Variants in CCDC171 observed in about 807,000 individuals in gnomAD.
CCDC171 encodes coiled-coil domain containing 171, also known as coiled-coil domain-containing protein 171.
Under a neutral mutation model 168.2 loss-of-function variants are expected in CCDC171, and 177 were observed. That is an observed-to-expected ratio of 1.05 (90% CI 0.93 to 1.19). CCDC171 has a LOEUF of 1.19. Among genes scored for constraint, CCDC171 ranks in the 50% most tolerant of loss-of-function variants. The pLI is 0.00. For missense variants in CCDC171, 1,991 were observed against 1,539.0 expected (o/e 1.29, Z -4.91); for synonymous variants, 687 against 540.8 (o/e 1.27, Z -3.75).
At chr9:15,775,072 A>G (rs1320354538) in intron 18 of CCDC171, among the ~76,000 whole-genome samples, 3 of 150,482 alleles carry the variant, frequency 2.0e-5, no homozygotes, top group African/African-American at 2.5e-5. Context: ...TCATGTAACC[A>G]AACACCACCT....
chr9:15,555,084 G>C (rs1422513696), intron 1 of CCDC171, among the ~76,000 whole-genome samples: 1 of 152,134 alleles, frequency 6.6e-6, no homozygotes, highest in Non-Finnish European at 1.5e-5. Context: ...TACCAGTAGT[G>C]GCTCCGAAAT....
At chr9:15,712,036 G>C (rs553373893) in intron 11 of CCDC171, among the ~76,000 whole-genome samples, 2 of 152,316 alleles carry the variant, frequency 1.3e-5, no homozygotes, top group East Asian at 3.9e-4. Context: ...GAGAGCTGAT[G>C]ATGTAAGCTC....
the CCDC171 span, among the ~76,000 whole-genome samples, chr9:16,080,604 C>T: frequency 1.3e-5 from 2 of 152,208 alleles, no homozygotes; most frequent in South Asian, 2.1e-4. Context: ...TTCCAATCTA[C>T]TCATCTTTCG....
At chr9:15,683,619 TTG>T (rs1399081052) in intron 10 of CCDC171, among the ~76,000 whole-genome samples, 1 of 152,124 alleles carries the variant, frequency 6.6e-6, no homozygotes, top group African/African-American at 2.4e-5. Context: ...GTAAGTGTCT[TTG>T]TGTATTTAAA....
chr9:15,963,808 T>G (rs1400474613), intron 25 of CCDC171, among the ~76,000 whole-genome samples: 2 of 152,194 alleles, frequency 1.3e-5, no homozygotes, highest in African/African-American at 4.8e-5. Flanking sequence ...TAATAGAGCC[T>G]CTGAATGTTA....
At chr9:15,847,233 T>TTATATACAGAACAAAATATATACTAA (rs1444268859) in intron 22 of CCDC171, among the ~76,000 whole-genome samples, 16 of 152,090 alleles carry the variant, frequency 1.1e-4, no homozygotes, top group Non-Finnish European at 1.8e-4. Flanking sequence ...GCATATATTA[T>TTATATACAGAACAAAATATATACTAA]TATATACTAA....
intron 23 of CCDC171, chr9:15,850,356 T>C (rs185028077): frequency 2.0e-5 from 3 of 152,002 alleles, no homozygotes; most frequent in Admixed American, 6.6e-5. Context: ...TGGCAAAATA[T>C]ATCGTTTAAA....
chr9:15,949,166 T>G (rs1330966035), intron 25 of CCDC171, among the ~76,000 whole-genome samples: 3 of 152,142 alleles, frequency 2.0e-5, no homozygotes, highest in Admixed American at 2.0e-4. Context: ...GGCTCTGTTC[T>G]GTTCCATTGA....
At chr9:15,677,974 A>T (rs1234088729) in intron 9 of CCDC171, among the ~76,000 whole-genome samples, 1 of 133,038 alleles carries the variant, frequency 7.5e-6, no homozygotes, top group African/African-American at 2.8e-5. Context: ...CAGTGGCACA[A>T]TCATAGCTCA....
the CCDC171 span, among the ~76,000 whole-genome samples, chr9:16,080,289 T>C: frequency 6.6e-6 from 1 of 152,220 alleles, no homozygotes; most frequent in African/African-American, 2.4e-5. Context: ...TGATCGCTAA[T>C]CATTTTATTG....
chr9:15,697,290 C>T (rs2051289004), intron 11 of CCDC171, among the ~76,000 whole-genome samples: 1 of 152,172 alleles, frequency 6.6e-6, no homozygotes, highest in African/African-American at 2.4e-5. Flanking sequence ...GACATTCTCT[C>T]CACTTGACCT....
intron 25 of CCDC171, among the ~76,000 whole-genome samples, chr9:15,960,208 T>C (rs181370299): frequency 2.0e-5 from 3 of 152,336 alleles, no homozygotes; most frequent in Admixed American, 2.0e-4. Context: ...GGTTTCATAG[T>C]ATTTCAACAG....
chr9:15,645,229 C>G (rs913328772), intron 7 of CCDC171, among the ~76,000 whole-genome samples: 1 of 152,146 alleles, frequency 6.6e-6, no homozygotes, highest in African/African-American at 2.4e-5. Context: ...ACACCAAAAC[C>G]CCATCTGTAT....
chr9:15,707,976 T>A (rs1339360661), intron 11 of CCDC171, among the ~76,000 whole-genome samples: 1 of 152,192 alleles, frequency 6.6e-6, no homozygotes, highest in Admixed American at 6.5e-5. Context: ...GCCTCTCAGG[T>A]AGCTGGGATT....
intron 23 of CCDC171, among the ~76,000 whole-genome samples, chr9:15,869,619 A>G (rs1236946317): frequency 6.6e-6 from 1 of 151,354 alleles, no homozygotes; most frequent in Non-Finnish European, 1.5e-5. Flanking sequence ...ACTCTCCAGT[A>G]TGCCTTTTCT....
chr9:15,953,758 C>G (rs1262500947), intron 25 of CCDC171, among the ~76,000 whole-genome samples: 4 of 152,034 alleles, frequency 2.6e-5, no homozygotes. Context: ...AATGTTAATT[C>G]TTCTTTAAAT....
At chr9:15,695,542 A>G (rs1192737462) in intron 11 of CCDC171, among the ~76,000 whole-genome samples, 1 of 152,158 alleles carries the variant, frequency 6.6e-6, no homozygotes, top group Admixed American at 6.5e-5. Flanking sequence ...GTCCTCCCAG[A>G]ACTTGATTTA....
At chr9:15,586,242 A>T (rs1468146273) in intron 4 of CCDC171, among the ~76,000 whole-genome samples, 1 of 152,220 alleles carries the variant, frequency 6.6e-6, no homozygotes, top group Non-Finnish European at 1.5e-5. Flanking sequence ...AAATGTTAAC[A>T]ATCCTAGAGT....
At chr9:16,009,587 G>A (rs995737276) in intron 3 of CCDC171, among the ~76,000 whole-genome samples, 2 of 152,074 alleles carry the variant, frequency 1.3e-5, no homozygotes, top group African/African-American at 4.8e-5. Flanking sequence ...AAGTGAATGA[G>A]AATCATCACT....
Sources: allele counts gnomAD v4.1 joint callset (sites outside exome capture counted in the v4.1 genomes callset), GRCh38; gene constraint gnomAD v4.1.1; transcripts MANE v1.5; gene names NCBI Gene and HGNC (gene_info 2026-07-23, HGNC 2026-07-21).